NAALADL2: variants seen among roughly 807,000 people sequenced by gnomAD.
NAALADL2 encodes N-acetylated alpha-linked acidic dipeptidase like 2.
Under a neutral mutation model 87.2 loss-of-function variants are expected in NAALADL2, and 76 were observed. That is an observed-to-expected ratio of 0.87 (90% CI 0.72 to 1.05). The LOEUF (loss-of-function observed/expected upper bound fraction) is 1.05. Among genes scored for constraint, NAALADL2 ranks in the 50% least tolerant of loss-of-function variants. NAALADL2 has a pLI of 0.00. For missense variants in NAALADL2, 1,089 were observed against 945.8 expected (o/e 1.15, Z -1.99); for synonymous variants, 354 against 331.0 (o/e 1.07, Z -0.75).
At chr3:175,570,406 C>A (rs963644064) in intron 9 of NAALADL2, among the ~76,000 whole-genome samples, 15 of 152,156 alleles carry the variant, frequency 9.9e-5, no homozygotes, top group African/African-American at 3.1e-4. Context: ...CATGGCCCAG[C>A]CAAGTTGACA....
At chr3:175,249,218 C>A (rs1201442161) in intron 3 of NAALADL2, among the ~76,000 whole-genome samples, 1 of 151,910 alleles carries the variant, frequency 6.6e-6, no homozygotes, top group Non-Finnish European at 1.5e-5. Flanking sequence ...TGGCATTATA[C>A]TTTATTTTCT....
At chr3:175,374,056 A>G (rs527653774) in intron 5 of NAALADL2, among the ~76,000 whole-genome samples, 1 of 152,112 alleles carries the variant, frequency 6.6e-6, no homozygotes, top group Non-Finnish European at 1.5e-5. Context: ...CATTTGTCAG[A>G]TATACATATT....
intron 1 of NAALADL2, among the ~76,000 whole-genome samples, chr3:175,052,154 C>T (rs1029025165): frequency 1.1e-4 from 17 of 152,210 alleles, no homozygotes; most frequent in African/African-American, 4.1e-4. Flanking sequence ...GGCTAGTTAT[C>T]TGCAGCAGGA....
chr3:175,566,176 T>A (rs1296761524), intron 9 of NAALADL2, among the ~76,000 whole-genome samples: 2 of 152,100 alleles, frequency 1.3e-5, no homozygotes, highest in Non-Finnish European at 2.9e-5. Flanking sequence ...TTTACAATCA[T>A]GGGAGTCTTA....
intron 1 of NAALADL2, among the ~76,000 whole-genome samples, chr3:174,947,142 A>C (rs1739554435): frequency 6.6e-6 from 1 of 152,180 alleles, no homozygotes; most frequent in African/African-American, 2.4e-5. Context: ...AGGAGGGTCA[A>C]ATGTATAATT....
At chr3:174,684,165 C>A (rs998578612) in intron 2 of NAALADL2, among the ~76,000 whole-genome samples, 4 of 151,872 alleles carry the variant, frequency 2.6e-5, no homozygotes, top group African/African-American at 9.7e-5. Flanking sequence ...ATATTAAAAT[C>A]TAAAAATTTA....
At chr3:174,825,728 C>G (rs1579086080) in intron 3 of NAALADL2, among the ~76,000 whole-genome samples, 1 of 152,028 alleles carries the variant, frequency 6.6e-6, no homozygotes, top group African/African-American at 2.4e-5. Context: ...TTGTTGAGTC[C>G]TTAAACATCT....
At chr3:174,719,883 C>T (rs1731546915) in intron 2 of NAALADL2, among the ~76,000 whole-genome samples, 3 of 152,200 alleles carry the variant, frequency 2.0e-5, no homozygotes, top group Non-Finnish European at 2.9e-5. Context: ...CTCACCGCAA[C>T]GTCCGCCTCC....
At chr3:175,637,034 T>C (rs188831434) in intron 11 of NAALADL2, among the ~76,000 whole-genome samples, 1 of 152,340 alleles carries the variant, frequency 6.6e-6, no homozygotes, top group Admixed American at 6.5e-5. Context: ...AAGTGGTCAT[T>C]AATTCATTTA....
chr3:175,381,505 A>G lies in NAALADL2; in HGVS notation c.1090+57180A>G, dbSNP rs79743201. Among the ~76,000 whole-genome samples, 195 of 152,190 alleles carry G rather than the reference A, an allele frequency of 1.3e-3. No homozygotes were observed. In the East Asian group the frequency reaches 0.016, roughly 12 times the overall value. Reference sequence around the variant, plus strand: ...TAATGATTCATAATAATCTTCTTAAATTATTTACATATTTTAAATATCTCA... The same window carrying G: ...TAATGATTCATAATAATCTTCTTAAGTTATTTACATATTTTAAATATCTCA... On this transcript the variant is annotated intron_variant, in intron 5 of 13. Coordinates refer to ENST00000454872, the MANE Select transcript of NAALADL2 (RefSeq NM_207015.3).
intron 1 of NAALADL2, among the ~76,000 whole-genome samples, chr3:174,492,241 G>A (rs1718242994): frequency 6.6e-6 from 1 of 150,410 alleles, no homozygotes; most frequent in Non-Finnish European, 1.5e-5. Context: ...TTGCACTCTA[G>A]CCCAGGCAAC....
At chr3:175,029,419 G>A (rs915436789) in intron 1 of NAALADL2, among the ~76,000 whole-genome samples, 1 of 151,946 alleles carries the variant, frequency 6.6e-6, no homozygotes, top group Non-Finnish European at 1.5e-5. Context: ...ACCAGGCAAG[G>A]TTTACTAAAA....
At chr3:174,555,800 A>G (rs1238772440) in intron 2 of NAALADL2, among the ~76,000 whole-genome samples, 5 of 152,156 alleles carry the variant, frequency 3.3e-5, no homozygotes, top group African/African-American at 1.2e-4. Context: ...CTTTCAGGTC[A>G]GATAATTCTT....
At chr3:175,257,762 A>T (rs1750256813) in intron 4 of NAALADL2, among the ~76,000 whole-genome samples, 2 of 152,164 alleles carry the variant, frequency 1.3e-5, no homozygotes, top group South Asian at 4.1e-4. Flanking sequence ...ACATGTAAAA[A>T]TCCTCATAAA....
intron 3 of NAALADL2, among the ~76,000 whole-genome samples, chr3:174,765,143 C>CGAGAGAGA (rs71634279): frequency 8.0e-6 from 1 of 124,544 alleles, no homozygotes; most frequent in African/African-American, 3.4e-5. Flanking sequence ...CACACACACA[C>CGAGAGAGA]GAGAGAGAGA....
At chr3:174,487,428 G>A (rs1717922352) in intron 1 of NAALADL2, among the ~76,000 whole-genome samples, 1 of 151,996 alleles carries the variant, frequency 6.6e-6, no homozygotes, top group South Asian at 2.1e-4. Flanking sequence ...TAATACTTGG[G>A]CTTTGGTCTA....
chr3:174,594,845 C>G lies in NAALADL2; in HGVS notation c.-115+44208C>G, dbSNP rs1224109431. Among the ~76,000 whole-genome samples the G allele has an allele frequency of 2.0e-5, 3 of 152,100 alleles. No homozygotes were observed. In the East Asian group the frequency reaches 5.8e-4, roughly 29 times the overall value. ...GAGTTGATATATCTGAGTTGAAATC[C>G]TAGTGCCACTTATCAACAGCTATGC... On this transcript the variant is annotated intron_variant, in intron 2 of 3. Coordinates refer to the NAALADL2 transcript ENST00000434257.
At chr3:174,903,666 A>G (rs1243377380) in intron 1 of NAALADL2, among the ~76,000 whole-genome samples, 1 of 151,934 alleles carries the variant, frequency 6.6e-6, no homozygotes, top group African/African-American at 2.4e-5. Context: ...TGATTTTGAC[A>G]AGCATGCAAT....
rs1399594788 is a variant in NAALADL2, at chr3:175,324,044, GAA to G, written c.940-127_940-126del. ...AAAAACAAACAAAAAAAAAAAAAAA[GAA>G]AAAGAAAAAGAAAAAGAAAAAAAAA... On this transcript the variant is annotated intron_variant, in intron 4 of 13. Transcript: ENST00000454872. 1.5e-5 allele frequency: 7 copies of G among 470,206 alleles called. 1 individual carries two copies. Among genetic ancestry groups the G allele is most frequent in the East Asian group, 1.1e-4 (3 of 26,194 alleles). 29.1% of individuals were successfully genotyped at this position (470,206 alleles called of 1,614,324 possible).
Sources: gnomAD v4.1 joint callset for allele counts (sites outside exome capture counted in the v4.1 genomes callset) on GRCh38, gnomAD v4.1.1 for gene constraint, MANE v1.5 for transcripts, NCBI Gene and HGNC (gene_info 2026-07-23, HGNC 2026-07-21) for gene names.